MALRD1: variants seen among roughly 807,000 people sequenced by gnomAD.
MALRD1 encodes the protein MAM and LDL-receptor class A domain-containing protein 1.
A neutral mutation model predicts 242.1 loss-of-function variants in MALRD1; 247 were observed. The observed-to-expected ratio is 1.02, with a 90% CI of 0.92 to 1.13. MALRD1 has a LOEUF of 1.13. Ranked by LOEUF, MALRD1 falls within the 50% of genes most tolerant of loss-of-function variation. The probability of loss-of-function intolerance (pLI) is 0.00; values close to 1 mark genes in which losing one functional copy is unlikely to be tolerated. For missense variants in MALRD1, 2,989 were observed against 2,533.1 expected, an observed-to-expected ratio of 1.18 and a Z score of -3.86; for synonymous variants, 995 against 866.6, an observed-to-expected ratio of 1.15 and a Z score of -2.60.
chr10:19,367,451 C>T (rs1248974399), intron 26 of MALRD1, among the ~76,000 whole-genome samples: 1 of 151,984 alleles, frequency 6.6e-6, no homozygotes, highest in Non-Finnish European at 1.5e-5. Context: ...GATTTCTTGC[C>T]TTTTTATGGC....
intron 26 of MALRD1, among the ~76,000 whole-genome samples, chr10:19,353,847 G>A (rs1210176143): frequency 1.3e-5 from 2 of 151,968 alleles, no homozygotes; most frequent in Non-Finnish European, 2.9e-5. Flanking sequence ...AGTTGGTGGG[G>A]GAGCAAGAGT....
intron 28 of MALRD1, among the ~76,000 whole-genome samples, chr10:19,449,086 G>A (rs972620020): frequency 1.8e-4 from 28 of 152,166 alleles, no homozygotes; most frequent in African/African-American, 6.8e-4. Context: ...TCAGTAAATT[G>A]TTCAGTTTTC....
chr10:19,658,840 G>C (rs957775895), intron 36 of MALRD1, among the ~76,000 whole-genome samples: 5 of 152,022 alleles, frequency 3.3e-5, no homozygotes, highest in African/African-American at 1.2e-4. Context: ...CTCTCTTGAT[G>C]GTTTACCTCA....
chr10:19,320,752 T>C (rs1223234881), intron 21 of MALRD1, among the ~76,000 whole-genome samples: 1 of 152,154 alleles, frequency 6.6e-6, no homozygotes, highest in Non-Finnish European at 1.5e-5. Context: ...TTCCTGTCTT[T>C]TTAATTATCA....
intron 1 of MALRD1, among the ~76,000 whole-genome samples, chr10:19,050,134 C>CAGTGCAG (rs1388207928): frequency 7.6e-6 from 1 of 130,970 alleles, no homozygotes; most frequent in African/African-American, 3.0e-5. Flanking sequence ...GTCGCCCAGG[C>CAGTGCAG]TGGAGTGCAG....
At position 19,280,083 on chromosome 10, in the gene MALRD1, C is replaced by T. The variant is rs776173382; in HGVS notation, c.3116C>T (p.Thr1039Met). 1.5e-5 allele frequency: 23 copies of T among 1,529,904 alleles called. No homozygotes were observed. The highest frequency in any genetic ancestry group is 4.4e-5 in the Admixed American group (2 of 45,810). The allele number at this position is 1,529,904 out of a possible 1,614,324, so 94.8% of individuals were successfully genotyped here. The change falls in exon 20 of 40, where the codon ACG (threonine) becomes ATG (methionine). Residue 1039 changes from threonine to methionine, a missense_variant. Coordinates refer to ENST00000454679, the MANE Select transcript of MALRD1 (RefSeq NM_001142308.3). ...GCAGACCTCCCAACTCCACCAGAAA[C>T]GTCAGTTCCTGTAACATTACCTCCA... ...LPADLPTPPE[T>M]SVPVTLPPHN...
intron 19 of MALRD1, among the ~76,000 whole-genome samples, chr10:19,270,807 A>ACACACACACACAC (rs1840192830): frequency 2.9e-4 from 42 of 145,140 alleles, no homozygotes; most frequent in African/African-American, 1.1e-3. Flanking sequence ...TTCAAAGGAT[A>ACACACACACACAC]ACACACACAC....
At chr10:19,221,684 A>C (rs1837560551) in intron 18 of MALRD1, among the ~76,000 whole-genome samples, 1 of 152,164 alleles carries the variant, frequency 6.6e-6, no homozygotes, top group South Asian at 2.1e-4. Context: ...AGGTTTATTA[A>C]AGTCCTGTTA....
At chr10:19,567,916 A>C (rs984699068) in intron 33 of MALRD1, among the ~76,000 whole-genome samples, 4 of 152,180 alleles carry the variant, frequency 2.6e-5, no homozygotes, top group Admixed American at 2.6e-4. Flanking sequence ...ATAACTTTGC[A>C]CTAAAGTTGT....
At chr10:19,413,965 C>A (rs546669000) in intron 28 of MALRD1, among the ~76,000 whole-genome samples, 106 of 133,700 alleles carry the variant, frequency 7.9e-4, no homozygotes, top group African/African-American at 2.2e-3. Context: ...AAACAAAAAC[C>A]AAAAAAAAAA....
chr10:19,233,329 C>G (rs76126445), intron 18 of MALRD1, among the ~76,000 whole-genome samples: 5,535 of 152,080 alleles, frequency 0.036, 254 homozygotes, highest in East Asian at 0.18. Flanking sequence ...TGATGAAACC[C>G]CATCTCTACT....
intron 8 of MALRD1, among the ~76,000 whole-genome samples, chr10:19,131,245 T>G (rs1026228975): frequency 1.3e-5 from 2 of 152,160 alleles, no homozygotes; most frequent in Non-Finnish European, 2.9e-5. Flanking sequence ...AATGCTGTTT[T>G]GTGTTGTGAA....
chr10:19,313,654 A>G (rs1842521204), intron 21 of MALRD1, among the ~76,000 whole-genome samples: 1 of 151,644 alleles, frequency 6.6e-6, no homozygotes, highest in South Asian at 2.1e-4. Context: ...AAAATGTTTT[A>G]TAAAGGTCTA....
At chr10:19,316,039 C>G (rs1320103427) in intron 21 of MALRD1, among the ~76,000 whole-genome samples, 1 of 149,648 alleles carries the variant, frequency 6.7e-6, no homozygotes, top group Non-Finnish European at 1.5e-5. Flanking sequence ...TTCTCTGTGC[C>G]TCCTTTATAT....
chr10:19,169,814 A>G (rs904913169), intron 13 of MALRD1, among the ~76,000 whole-genome samples: 7 of 152,230 alleles, frequency 4.6e-5, no homozygotes, highest in African/African-American at 1.7e-4. Flanking sequence ...AGGATTTAAG[A>G]TTAGTAGCCT....
In MALRD1 at chr10:19,157,161, TGATAGTCTGA is replaced by T. The variant is rs940220485; in HGVS notation, c.1656+1994_1656+2003del. On this transcript the variant is annotated intron_variant, in intron 12 of 39. Coordinates refer to ENST00000454679, the MANE Select transcript of MALRD1 (RefSeq NM_001142308.3). The stretch of plus-strand genomic sequence containing the variant: ...GGAGTAGACTGTAGGAGAATGTTAT[TGATAGTCTGA>T]GATACACATAGCTAAGGTTCTCAGG... Among the ~76,000 whole-genome samples, 93 of 152,296 alleles carry T rather than the reference TGATAGTCTGA, an allele frequency of 6.1e-4. 2 individuals carry two copies. Among genetic ancestry groups the T allele is most frequent in the African/African-American group, 2.1e-3 (89 of 41,532 alleles).
At chr10:19,487,447 CT>C (rs1182790065) in intron 29 of MALRD1, among the ~76,000 whole-genome samples, 1 of 150,338 alleles carries the variant, frequency 6.7e-6, no homozygotes, top group African/African-American at 2.4e-5. Flanking sequence ...CACTTTATTT[CT>C]CTTCATGGCT....
At chr10:19,690,645 G>A (rs1842779362) in intron 36 of MALRD1, among the ~76,000 whole-genome samples, 1 of 151,676 alleles carries the variant, frequency 6.6e-6, no homozygotes, top group South Asian at 2.1e-4. Flanking sequence ...ATTAACATAA[G>A]AATTATTTCA....
chr10:19,616,634 T>C (rs1839170813), intron 36 of MALRD1, among the ~76,000 whole-genome samples: 2 of 152,000 alleles, frequency 1.3e-5, no homozygotes, highest in African/African-American at 4.8e-5. Context: ...GAAAACTCAT[T>C]GAAGGTTGCT....
Sources: allele counts gnomAD v4.1 joint callset (sites outside exome capture counted in the v4.1 genomes callset), GRCh38; gene constraint gnomAD v4.1.1; transcripts MANE v1.5; gene names NCBI Gene and HGNC (gene_info 2026-07-23, HGNC 2026-07-21).